The following TAFA1 variants were observed in gnomAD, a reference collection of about 807,000 sequenced individuals.
TAFA1 encodes the protein chemokine-like protein TAFA-1.
Under a neutral mutation model 18.5 loss-of-function variants are expected in TAFA1, and 4 were observed. The observed-to-expected ratio is 0.22, with a 90% CI of 0.11 to 0.49. The LOEUF (loss-of-function observed/expected upper bound fraction) is 0.49. TAFA1 is among the 20% of genes least tolerant of loss of function. The pLI is 0.98. For missense variants in TAFA1, 147 were observed against 169.0 expected, an observed-to-expected ratio of 0.87 and a Z score of 0.72; for synonymous variants, 56 against 55.2, an observed-to-expected ratio of 1.01 and a Z score of -0.06.
At chr3:68,334,629 G>T (rs969223629) in intron 2 of TAFA1, among the ~76,000 whole-genome samples, 1 of 152,128 alleles carries the variant, frequency 6.6e-6, no homozygotes, top group Non-Finnish European at 1.5e-5. Context: ...TCTCTGAACT[G>T]ATACCAGTGC....
At chr3:68,457,569 GT>G (rs2071688408) in intron 3 of TAFA1, among the ~76,000 whole-genome samples, 1 of 151,926 alleles carries the variant, frequency 6.6e-6, no homozygotes, top group South Asian at 2.1e-4. Context: ...ACAACATGTT[GT>G]TTTGAAAAAC....
intron 3 of TAFA1, among the ~76,000 whole-genome samples, chr3:68,435,857 T>C (rs567570147): frequency 6.6e-6 from 1 of 152,284 alleles, no homozygotes; most frequent in East Asian, 1.9e-4. Flanking sequence ...AGGCCCTTCA[T>C]ATAAGGGAAA....
intron 2 of TAFA1, among the ~76,000 whole-genome samples, chr3:68,056,077 C>T (rs2064533188): frequency 6.6e-6 from 1 of 152,182 alleles, no homozygotes; most frequent in African/African-American, 2.4e-5. Flanking sequence ...GCCACCCTAT[C>T]TCTCAAGTGC....
intron 4 of TAFA1, among the ~76,000 whole-genome samples, chr3:68,542,856 T>C (rs988730835): frequency 4.6e-5 from 7 of 152,166 alleles, no homozygotes; most frequent in African/African-American, 1.7e-4. Context: ...TAGGCCTTCA[T>C]GTAGCTCAGT....
chr3:68,352,910 T>A (rs956023551), intron 2 of TAFA1, among the ~76,000 whole-genome samples: 9 of 152,000 alleles, frequency 5.9e-5, no homozygotes, highest in African/African-American at 2.2e-4. Flanking sequence ...ATGATGACCT[T>A]CCCAGGGTAT....
intron 2 of TAFA1, among the ~76,000 whole-genome samples, chr3:68,072,377 T>C (rs984663694): frequency 3.9e-5 from 6 of 152,170 alleles, no homozygotes; most frequent in African/African-American, 9.7e-5. Context: ...AGTTTTATAC[T>C]GTGAATTTTA....
At chr3:68,044,387 C>A (rs181531180) in intron 2 of TAFA1, among the ~76,000 whole-genome samples, 43 of 152,218 alleles carry the variant, frequency 2.8e-4, no homozygotes, top group African/African-American at 9.6e-4. Context: ...ACGTGGTAAG[C>A]AGCTTGTGTT....
intron 2 of TAFA1, among the ~76,000 whole-genome samples, chr3:68,188,476 A>G (rs1242480934): frequency 6.9e-6 from 1 of 144,608 alleles, no homozygotes; most frequent in Non-Finnish European, 1.5e-5. Flanking sequence ...TAAATTATAT[A>G]TATATGTATA....
At chr3:68,422,510 C>T (rs750195762) in intron 3 of TAFA1, among the ~76,000 whole-genome samples, 1 of 152,022 alleles carries the variant, frequency 6.6e-6, no homozygotes, top group Non-Finnish European at 1.5e-5. Flanking sequence ...TTTTCAAAAA[C>T]AAGAGAATAG....
chr3:68,274,763 A>G (rs1418292851), intron 2 of TAFA1, among the ~76,000 whole-genome samples: 8 of 152,212 alleles, frequency 5.3e-5, no homozygotes, highest in Non-Finnish European at 1.2e-4. Context: ...CATGTGTATC[A>G]TTAGCCTTAC....
At chr3:68,292,586 G>A (rs954851272) in intron 2 of TAFA1, among the ~76,000 whole-genome samples, 75 of 152,192 alleles carry the variant, frequency 4.9e-4, no homozygotes, top group African/African-American at 1.8e-3. Context: ...GAGTGCAATG[G>A]CACAATCACA....
intron 3 of TAFA1, among the ~76,000 whole-genome samples, chr3:68,489,628 G>A (rs1282555962): frequency 6.6e-6 from 1 of 152,046 alleles, no homozygotes; most frequent in Non-Finnish European, 1.5e-5. Context: ...CTTTTTCACT[G>A]TGTTGACATT....
chr3:68,085,410 G>T (rs2064958958), intron 2 of TAFA1, among the ~76,000 whole-genome samples: 1 of 152,148 alleles, frequency 6.6e-6, no homozygotes. Context: ...GGAATAACTT[G>T]CAGGGTTAGT....
chr3:68,479,524 G>A (rs1450400394), intron 3 of TAFA1, among the ~76,000 whole-genome samples: 2 of 151,976 alleles, frequency 1.3e-5, no homozygotes, highest in Non-Finnish European at 2.9e-5. Context: ...CCATGATTCA[G>A]TTGAACAGTC....
upstream of TAFA1, among the ~76,000 whole-genome samples, chr3:68,000,492 C>G (rs1021811514): frequency 5.3e-5 from 8 of 152,196 alleles, 1 homozygote; most frequent in South Asian, 1.2e-3. Context: ...TAGTAGAAGC[C>G]AAGAATTAGA....
At chr3:68,432,789 AAT>A (rs2071201606) in intron 3 of TAFA1, among the ~76,000 whole-genome samples, 1 of 152,040 alleles carries the variant, frequency 6.6e-6, no homozygotes, top group Non-Finnish European at 1.5e-5. Context: ...CTGGAAATGA[AAT>A]ATCTCATATG....
intron 2 of TAFA1, among the ~76,000 whole-genome samples, chr3:68,127,775 T>C (rs2065486508): frequency 7.8e-6 from 1 of 128,248 alleles, no homozygotes; most frequent in Non-Finnish European, 1.8e-5. Context: ...ATGGCAGTGG[T>C]GATGGTGGTG....
At chr3:68,217,966 C>G (rs1053096484) in intron 2 of TAFA1, among the ~76,000 whole-genome samples, 2 of 152,022 alleles carry the variant, frequency 1.3e-5, no homozygotes, top group African/African-American at 4.8e-5. Flanking sequence ...AGAGGAACCT[C>G]TGAAATTATA....
intron 2 of TAFA1, among the ~76,000 whole-genome samples, chr3:68,250,313 C>G (rs1212258490): frequency 6.6e-6 from 1 of 152,136 alleles, no homozygotes; most frequent in Non-Finnish European, 1.5e-5. Context: ...TGGAGACAGT[C>G]TCAGAACTGA....
Sources: allele counts gnomAD v4.1 joint callset (sites outside exome capture counted in the v4.1 genomes callset), GRCh38; gene constraint gnomAD v4.1.1; transcripts MANE v1.5; gene names NCBI Gene and HGNC (gene_info 2026-07-23, HGNC 2026-07-21).